Variants in ANKFN1 observed in about 807,000 individuals in gnomAD.
The protein encoded by ANKFN1 is ankyrin repeat and fibronectin type-III domain-containing protein 1.
Under a neutral mutation model 108.7 loss-of-function variants are expected in ANKFN1, and 74 were observed. The ratio of observed to expected loss-of-function variants is 0.68; its 90% CI spans 0.56 to 0.83. The LOEUF (loss-of-function observed/expected upper bound fraction) is 0.83, where lower values mean the gene tolerates loss of function less well. ANKFN1 is among the 40% of genes least tolerant of loss of function. The pLI is 0.00. For synonymous variants in ANKFN1, 547 were observed against 516.2 expected (o/e 1.06, Z -0.81); for missense variants, 1,505 against 1,382.3 (o/e 1.09, Z -1.41).
chr17:56,347,456 A>G (rs906694264), intron 4 of ANKFN1, among the ~76,000 whole-genome samples: 1 of 152,070 alleles, frequency 6.6e-6, no homozygotes, highest in Non-Finnish European at 1.5e-5. Context: ...GAGATTCCCA[A>G]AGTCACACAG....
At chr17:56,260,464 G>A (rs1397191403) in intron 3 of ANKFN1, among the ~76,000 whole-genome samples, 2 of 152,184 alleles carry the variant, frequency 1.3e-5, no homozygotes, top group East Asian at 1.9e-4. Flanking sequence ...TTGGCAAATA[G>A]GGGCGGGTGG....
rs2049775272 is a variant in ANKFN1 at position 56,458,073 on chromosome 17, G to T, written c.1557+94G>T. The T allele has an allele frequency of 6.8e-6, 7 of 1,031,874 alleles. No individual in the cohort carries two copies. The East Asian group carries it at 1.6e-4, about 23-fold the overall frequency. 63.9% of individuals were successfully genotyped at this position (1,031,874 alleles called of 1,614,324 possible). ...TCCTACCTAGAAAGGAAAAGGATGG[G>T]CTCCCTTCTCTTTCAGACCCCTAAG... On this transcript the variant is annotated intron_variant, in intron 14 of 20. Coordinates refer to ENST00000682825, the MANE Select transcript of ANKFN1 (RefSeq NM_001370326.1).
At chr17:56,275,521 T>C (rs1444037309) in intron 3 of ANKFN1, among the ~76,000 whole-genome samples, 1 of 152,012 alleles carries the variant, frequency 6.6e-6, no homozygotes, top group African/African-American at 2.4e-5. Context: ...AAGATTTAGT[T>C]GAAAGTTTAA....
At chr17:56,404,552 T>C (rs1035175923) in intron 8 of ANKFN1, among the ~76,000 whole-genome samples, 2 of 152,332 alleles carry the variant, frequency 1.3e-5, no homozygotes, top group Middle Eastern at 3.4e-3. Context: ...TGAATATTTT[T>C]CCCTTCACTT....
chr17:56,437,578 G>A (rs2048968776), intron 8 of ANKFN1, among the ~76,000 whole-genome samples: 1 of 151,928 alleles, frequency 6.6e-6, no homozygotes, highest in Non-Finnish European at 1.5e-5. Flanking sequence ...ACTCATTTTT[G>A]TTTTGTTCTG....
chr17:56,076,135 A>C (rs1905178160), intron 4 of ANKFN1, among the ~76,000 whole-genome samples: 1 of 152,208 alleles, frequency 6.6e-6, no homozygotes, highest in Non-Finnish European at 1.5e-5. Flanking sequence ...CTAACATTTC[A>C]ATAGCACTTT....
At chr17:56,415,405 A>G (rs1400504930) in intron 8 of ANKFN1, among the ~76,000 whole-genome samples, 6 of 152,218 alleles carry the variant, frequency 3.9e-5, no homozygotes, top group Non-Finnish European at 8.8e-5. Flanking sequence ...AATCAGTAGC[A>G]TTTCTGTATG....
At chr17:56,484,152 C>T (rs758319977) in intron 18 of ANKFN1, among the ~76,000 whole-genome samples, 3 of 151,968 alleles carry the variant, frequency 2.0e-5, no homozygotes, top group Non-Finnish European at 4.4e-5. Context: ...CAGAAAGAAT[C>T]GGGAAGAGAA....
intron 8 of ANKFN1, among the ~76,000 whole-genome samples, chr17:56,395,871 G>C (rs1374350798): frequency 1.3e-5 from 2 of 151,994 alleles, no homozygotes; most frequent in African/African-American, 2.4e-5. Context: ...AAAGGTGGGG[G>C]GAAGCATGAT....
intron 8 of ANKFN1, among the ~76,000 whole-genome samples, chr17:56,434,924 G>A (rs1313829652): frequency 2.0e-5 from 3 of 152,122 alleles, no homozygotes; most frequent in Non-Finnish European, 2.9e-5. Context: ...TAGCTAAGGC[G>A]CCAGGGTGAA....
chr17:56,083,431 T>C (rs1905271832), intron 4 of ANKFN1, among the ~76,000 whole-genome samples: 1 of 151,338 alleles, frequency 6.6e-6, no homozygotes, highest in African/African-American at 2.4e-5. Context: ...CCTCCTACTA[T>C]TTTGCCATAT....
chr17:56,440,338 A>T lies in ANKFN1; in HGVS notation c.922A>T (p.Met308Leu). The change falls in exon 9 of 21, where the codon ATG (methionine) becomes TTG (leucine). Residue 308 changes from methionine to leucine, a missense_variant. By Grantham distance (15) the Met-to-Leu change is conservative. Transcript: ENST00000682825. ...VVTRYKVEWS[M>L]SEDFSPLAGE... ...CCTACTCCCTCCAGTGGAATGGAGT[A>T]TGTCCGAAGACTTTTCTCCTTTGGC... The T allele has an allele frequency of 6.2e-7, 1 of 1,611,122 alleles. No individual in the cohort carries two copies. Among genetic ancestry groups the T allele is most frequent in the Non-Finnish European group, 8.5e-7 (1 of 1,177,962 alleles).
intron 15 of ANKFN1, among the ~76,000 whole-genome samples, chr17:56,469,782 T>C (rs1407923558): frequency 3.7e-5 from 3 of 81,340 alleles, no homozygotes; most frequent in Non-Finnish European, 8.3e-5. Flanking sequence ...AAATTTTTTT[T>C]CTTTTTATTT....
intron 6 of ANKFN1, among the ~76,000 whole-genome samples, chr17:56,365,744 A>G (rs1282194303): frequency 6.6e-6 from 1 of 152,234 alleles, no homozygotes; most frequent in Non-Finnish European, 1.5e-5. Context: ...AGTGCAATGC[A>G]TTATTCACAT....
At chr17:56,423,284 C>T (rs2048465635) in intron 8 of ANKFN1, among the ~76,000 whole-genome samples, 1 of 152,144 alleles carries the variant, frequency 6.6e-6, no homozygotes, top group African/African-American at 2.4e-5. Context: ...GAATTGAAGT[C>T]AGAGGTTGTA....
chr17:56,433,939 G>A (rs1314407660), intron 8 of ANKFN1, among the ~76,000 whole-genome samples: 3 of 152,158 alleles, frequency 2.0e-5, no homozygotes, highest in Non-Finnish European at 4.4e-5. Flanking sequence ...TCTCTGCTGA[G>A]GCAGGAGAAT....
chr17:56,151,374 T>C (rs1228451322), upstream of ANKFN1, among the ~76,000 whole-genome samples: 2 of 152,190 alleles, frequency 1.3e-5, no homozygotes, highest in African/African-American at 4.8e-5. Flanking sequence ...CCAAATGATA[T>C]GAATGTCTAA....
At chr17:56,491,965 T>C (rs761763405) in intron 18 of ANKFN1, among the ~76,000 whole-genome samples, 3 of 152,152 alleles carry the variant, frequency 2.0e-5, no homozygotes, top group Non-Finnish European at 2.9e-5. Flanking sequence ...CACTTCCCCA[T>C]ACCTTACTAG....
intron 19 of ANKFN1, 91 bp from the exon 20 acceptor site, chr17:56,498,791 G>A (rs533644567): frequency 8.2e-5 from 88 of 1,069,038 alleles, no homozygotes; most frequent in East Asian, 6.3e-4. Context: ...CCAATATTGC[G>A]GAAAATGGAT....
Sources: allele counts gnomAD v4.1 joint callset (sites outside exome capture counted in the v4.1 genomes callset), GRCh38; gene constraint gnomAD v4.1.1; transcripts MANE v1.5; gene names NCBI Gene and HGNC (gene_info 2026-07-23, HGNC 2026-07-21).